MAPK10: variants seen among roughly 807,000 people sequenced by gnomAD.
The protein encoded by MAPK10 is mitogen-activated protein kinase 10.
In MAPK10, 25 loss-of-function variants were observed where a neutral mutation model predicts 59.3. That is an observed-to-expected ratio of 0.42 (90% CI 0.31 to 0.59). The LOEUF is 0.59. Ranked by LOEUF, MAPK10 falls within the 20% of genes least tolerant of loss-of-function variation. MAPK10 has a pLI of 0.15. For missense variants in MAPK10, 351 were observed against 568.9 expected, an observed-to-expected ratio of 0.62 and a Z score of 3.90; for synonymous variants, 190 against 200.5, an observed-to-expected ratio of 0.95 and a Z score of 0.44.
intron 13 of MAPK10, among the ~76,000 whole-genome samples, chr4:86,019,869 G>A (rs1745468065): frequency 6.6e-6 from 1 of 152,084 alleles, no homozygotes; most frequent in African/African-American, 2.4e-5. Flanking sequence ...TTCAAATTAT[G>A]GTGCTACAGC....
At chr4:86,174,171 CAT>C (rs61100840) in intron 3 of MAPK10, among the ~76,000 whole-genome samples, 27,422 of 152,070 alleles carry the variant, frequency 0.18, 2,998 homozygotes, top group African/African-American at 0.31. Flanking sequence ...TACATGCACA[CAT>C]ATGTTTATTG....
intron 1 of MAPK10, among the ~76,000 whole-genome samples, chr4:86,427,007 C>T (rs2149037714): frequency 6.6e-6 from 1 of 151,976 alleles, no homozygotes; most frequent in East Asian, 1.9e-4. Flanking sequence ...CCTGTAATCC[C>T]AGCACTTTGA....
chr4:86,274,888 T>C (rs2094530130), intron 2 of MAPK10, among the ~76,000 whole-genome samples: 1 of 152,034 alleles, frequency 6.6e-6, no homozygotes, highest in African/African-American at 2.4e-5. Context: ...AGCAATTTTC[T>C]CAATTAAATG....
chr4:86,461,450 C>T (rs1369729958), intron 1 of MAPK10, among the ~76,000 whole-genome samples: 1 of 152,136 alleles, frequency 6.6e-6, no homozygotes, highest in Non-Finnish European at 1.5e-5. Flanking sequence ...TGTGGTGGCT[C>T]ACACCTGTAA....
intron 3 of MAPK10, among the ~76,000 whole-genome samples, chr4:86,182,121 TA>T (rs1393811750): frequency 6.6e-6 from 1 of 152,088 alleles, no homozygotes; most frequent in Non-Finnish European, 1.5e-5. Context: ...ATTATTCTTT[TA>T]TTGTCCAACA....
At chr4:86,419,509 T>A (rs1746248790) in intron 1 of MAPK10, among the ~76,000 whole-genome samples, 1 of 152,212 alleles carries the variant, frequency 6.6e-6, no homozygotes. Context: ...ACTGAGGGAC[T>A]TGTACTTTAA....
intron 1 of MAPK10, among the ~76,000 whole-genome samples, chr4:86,588,589 A>T (rs748346790): frequency 6.6e-6 from 1 of 152,184 alleles, no homozygotes; most frequent in Non-Finnish European, 1.5e-5. Context: ...ATAACTATCA[A>T]CAATAAGGCA....
At chr4:86,146,695 A>G in intron 4 of MAPK10, among the ~76,000 whole-genome samples, 1 of 152,210 alleles carries the variant, frequency 6.6e-6, no homozygotes, top group East Asian at 1.9e-4. Flanking sequence ...CAGCTCACTG[A>G]ACAGAACCAA....
chr4:86,315,537 C>T (rs2095764413), intron 2 of MAPK10, among the ~76,000 whole-genome samples: 1 of 151,784 alleles, frequency 6.6e-6, no homozygotes, highest in Non-Finnish European at 1.5e-5. Context: ...CTACTATGTA[C>T]CTACAAAAAA....
chr4:86,368,588 C>A (rs1166000562), intron 1 of MAPK10, among the ~76,000 whole-genome samples: 1 of 152,144 alleles, frequency 6.6e-6, no homozygotes, highest in Non-Finnish European at 1.5e-5. Context: ...TATTAGAATT[C>A]AACGGTACTT....
At chr4:86,149,454 A>G (rs1581329439) in intron 4 of MAPK10, among the ~76,000 whole-genome samples, 1 of 151,922 alleles carries the variant, frequency 6.6e-6, no homozygotes, top group East Asian at 1.9e-4. Context: ...TTTTAGTAGA[A>G]ACAGGTTTCG....
intron 4 of MAPK10, among the ~76,000 whole-genome samples, chr4:86,143,940 G>C: frequency 6.6e-6 from 1 of 152,172 alleles, no homozygotes; most frequent in East Asian, 1.9e-4. Context: ...AAGTAGAATA[G>C]TTATCAGATC....
chr4:86,445,217 C>T (rs904979147), intron 1 of MAPK10, among the ~76,000 whole-genome samples: 80 of 152,180 alleles, frequency 5.3e-4, no homozygotes, highest in African/African-American at 1.9e-3. Context: ...GGCACATATA[C>T]ACCATGGAAT....
At chr4:86,547,908 A>G (rs1371543895) in intron 1 of MAPK10, among the ~76,000 whole-genome samples, 2 of 152,170 alleles carry the variant, frequency 1.3e-5, no homozygotes, top group Admixed American at 1.3e-4. Flanking sequence ...TGTCTAGCTC[A>G]GGGATTGTAA....
chr4:86,558,355 T>C (rs1295779309), intron 1 of MAPK10, among the ~76,000 whole-genome samples: 5 of 152,178 alleles, frequency 3.3e-5, no homozygotes, highest in African/African-American at 1.2e-4. Flanking sequence ...CTTAGTATGC[T>C]GTCTTTCATC....
intron 4 of MAPK10, among the ~76,000 whole-genome samples, chr4:86,140,849 T>C (rs2063496759): frequency 6.6e-6 from 1 of 152,078 alleles, no homozygotes; most frequent in Non-Finnish European, 1.5e-5. Context: ...CTTCCCAGGC[T>C]CCCAAGTTCA....
chr4:86,206,039 T>A (rs547866780), intron 2 of MAPK10, among the ~76,000 whole-genome samples: 14 of 152,164 alleles, frequency 9.2e-5, no homozygotes, highest in African/African-American at 3.4e-4. Context: ...GGATTTTTTT[T>A]TAATTTAATT....
At chr4:86,025,817 T>C (rs1288110074) in intron 13 of MAPK10, among the ~76,000 whole-genome samples, 3 of 152,162 alleles carry the variant, frequency 2.0e-5, no homozygotes, top group Non-Finnish European at 2.9e-5. Context: ...AACATTGTTA[T>C]GGGGGAAAAT....
chr4:86,122,175 CCT>C (rs919839783), intron 4 of MAPK10, among the ~76,000 whole-genome samples: 6 of 152,126 alleles, frequency 3.9e-5, no homozygotes, highest in Middle Eastern at 3.4e-3. Flanking sequence ...TAAAATTGCC[CCT>C]GTTTGCAGAG....
Sources: allele counts gnomAD v4.1 joint callset (sites outside exome capture counted in the v4.1 genomes callset), GRCh38; gene constraint gnomAD v4.1.1; transcripts MANE v1.5; gene names NCBI Gene and HGNC (gene_info 2026-07-23, HGNC 2026-07-21).